The following TGFBRAP1 variants were observed in gnomAD, a reference collection of about 807,000 sequenced individuals.
The protein encoded by TGFBRAP1 is transforming growth factor beta receptor associated protein 1.
Under a neutral mutation model 83.2 loss-of-function variants are expected in TGFBRAP1, and 20 were observed. The ratio of observed to expected loss-of-function variants is 0.24; its 90% CI spans 0.17 to 0.35. The LOEUF (loss-of-function observed/expected upper bound fraction) is 0.35. Ranked by LOEUF, TGFBRAP1 falls within the 10% of genes least tolerant of loss-of-function variation. TGFBRAP1 has a pLI of 1.00. For missense variants in TGFBRAP1, 950 were observed against 1,099.4 expected (o/e 0.86, Z 1.92); for synonymous variants, 415 against 459.8 (o/e 0.90, Z 1.25).
At position 105,306,066 on chromosome 2, in the gene TGFBRAP1, TTG is replaced by T. The variant is rs1491006266; in HGVS notation, c.688+1546_688+1547del. The stretch of plus-strand genomic sequence containing the variant: ...TTTCTGGTTTTTTGTTTTTTGTTTT[TTG>T]TTTTTTTTTTTTTGAGACAGTTTCC... On this transcript the variant is annotated intron_variant, in intron 2 of 11. Transcript: ENST00000393359. Among the ~76,000 whole-genome samples, 990 of 115,192 alleles carry T rather than the reference TTG, an allele frequency of 8.6e-3. 16 individuals carry two copies. The highest frequency in any genetic ancestry group is 0.032 in the African/African-American group (928 of 28,958). 75.6% of individuals were successfully genotyped at this position (115,192 alleles called of 152,430 possible).
At chr2:105,285,216 C>T (rs3792048) in intron 4 of TGFBRAP1, among the ~76,000 whole-genome samples, 14,465 of 152,266 alleles carry the variant, frequency 0.095, 1,029 homozygotes, top group East Asian at 0.38. Context: ...CTCTCTCTGA[C>T]TTTGACACCT....
chr2:105,293,401 C>T (rs777321862), intron 4 of TGFBRAP1, among the ~76,000 whole-genome samples: 3 of 152,170 alleles, frequency 2.0e-5, no homozygotes, highest in African/African-American at 7.2e-5. Context: ...CCTGAAGAAA[C>T]GATCCTTAAT....
downstream of TGFBRAP1, among the ~76,000 whole-genome samples, chr2:105,259,405 C>T (rs1676738610): frequency 6.6e-6 from 1 of 152,138 alleles, no homozygotes; most frequent in African/African-American, 2.4e-5. Context: ...GATAAATGTC[C>T]CCTTACTGTC....
At chr2:105,320,735 C>A (rs955731591) in intron 1 of TGFBRAP1, among the ~76,000 whole-genome samples, 26 of 152,250 alleles carry the variant, frequency 1.7e-4, no homozygotes, top group African/African-American at 6.3e-4. Context: ...AAGCTACAAT[C>A]AGTTCGGAAT....
At chr2:105,261,165 T>C (rs1052201058), downstream of TGFBRAP1, among the ~76,000 whole-genome samples, 1 of 151,324 alleles carries the variant, frequency 6.6e-6, no homozygotes, top group Admixed American at 6.6e-5. Context: ...GAGGCGGGAG[T>C]GAGGGAGGGT....
At chr2:105,257,005 C>T in the TGFBRAP1 span, among the ~76,000 whole-genome samples, 32 of 152,312 alleles carry the variant, frequency 2.1e-4, no homozygotes, top group East Asian at 1.5e-3. Context: ...GGTCTAAAAA[C>T]GGGAGGCATG....
intron 4 of TGFBRAP1, among the ~76,000 whole-genome samples, chr2:105,284,761 A>G (rs1036228320): frequency 2.6e-5 from 4 of 152,040 alleles, no homozygotes. Context: ...TCACAGTACC[A>G]CCTTTCAGAG....
chr2:105,305,654 T>C (rs1375158508), intron 2 of TGFBRAP1, among the ~76,000 whole-genome samples: 1 of 152,210 alleles, frequency 6.6e-6, no homozygotes, highest in Non-Finnish European at 1.5e-5. Flanking sequence ...TTTTTATTTT[T>C]ATTAATTAAT....
intron 3 of TGFBRAP1, 89 bp from the exon 4 acceptor site, chr2:105,296,599 G>A: frequency 7.0e-7 from 1 of 1,421,558 alleles, no homozygotes; most frequent in Non-Finnish European, 9.4e-7. Context: ...ATCATTACCT[G>A]ATTTGTTCAA....
chr2:105,255,618 A>C, the TGFBRAP1 span, among the ~76,000 whole-genome samples: 182 of 152,248 alleles, frequency 1.2e-3, 1 homozygote, highest in African/African-American at 4.1e-3. Context: ...ACCCCACCAA[A>C]GAATGCTTTT....
At chr2:105,288,253 A>T (rs1232875398) in intron 4 of TGFBRAP1, among the ~76,000 whole-genome samples, 1 of 152,224 alleles carries the variant, frequency 6.6e-6, no homozygotes, top group Non-Finnish European at 1.5e-5. Flanking sequence ...GGGAAGATGA[A>T]CAGGCACACG....
chr2:105,313,054 G>C (rs1176029950), intron 1 of TGFBRAP1, among the ~76,000 whole-genome samples: 1 of 152,112 alleles, frequency 6.6e-6, no homozygotes, highest in Non-Finnish European at 1.5e-5. Flanking sequence ...GGAGGTTGCA[G>C]TGAGCAGAGA....
At chr2:105,292,358 T>C (rs751768945) in intron 4 of TGFBRAP1, among the ~76,000 whole-genome samples, 3 of 152,212 alleles carry the variant, frequency 2.0e-5, no homozygotes, top group Non-Finnish European at 4.4e-5. Flanking sequence ...AATTGAGGGC[T>C]ATTCCTCCAA....
At chr2:105,273,117 C>T in intron 9 of TGFBRAP1, 103 bp from the exon 10 acceptor site, 1 of 1,431,132 alleles carries the variant, frequency 7.0e-7, no homozygotes, top group Non-Finnish European at 9.4e-7. Context: ...GCTGCACTGA[C>T]ATGAGCTGGG....
At chr2:105,277,538 A>T in intron 7 of TGFBRAP1, 76 bp downstream of exon 7, 2 of 1,476,354 alleles carry the variant, frequency 1.4e-6, no homozygotes, top group Non-Finnish European at 1.9e-6. Context: ...CAACTTGTGA[A>T]TTTTTTTTAA....
At chr2:105,252,726 C>T in the TGFBRAP1 span, among the ~76,000 whole-genome samples, 1 of 150,622 alleles carries the variant, frequency 6.6e-6, no homozygotes, top group Non-Finnish European at 1.5e-5. Context: ...CCAGCCCTTC[C>T]TGTGATGTGA....
At chr2:105,259,770 T>C (rs149529318), downstream of TGFBRAP1, among the ~76,000 whole-genome samples, 5 of 152,312 alleles carry the variant, frequency 3.3e-5, no homozygotes, top group African/African-American at 1.2e-4. Context: ...GAATCAGCTT[T>C]ACACAGACCT....
chr2:105,313,882 C>A (rs1055740270), intron 1 of TGFBRAP1, among the ~76,000 whole-genome samples: 1 of 151,808 alleles, frequency 6.6e-6, no homozygotes, highest in African/African-American at 2.4e-5. Flanking sequence ...ATTTTAAAAT[C>A]TTTCCTTTTG....
chr2:105,286,625 G>C (rs1573179720), intron 4 of TGFBRAP1, among the ~76,000 whole-genome samples: 1 of 152,214 alleles, frequency 6.6e-6, no homozygotes, highest in African/African-American at 2.4e-5. Context: ...CAGGTGAAGA[G>C]AGTAAGTCAG....
Sources: allele counts gnomAD v4.1 joint callset (sites outside exome capture counted in the v4.1 genomes callset), GRCh38; gene constraint gnomAD v4.1.1; transcripts MANE v1.5; gene names NCBI Gene and HGNC (gene_info 2026-07-23, HGNC 2026-07-21).